Variants in BBS9 observed in about 807,000 individuals in gnomAD.
The protein encoded by BBS9 is protein PTHB1.
Under a neutral mutation model 117.7 loss-of-function variants are expected in BBS9, and 89 were observed. The ratio of observed to expected loss-of-function variants is 0.76; its 90% confidence interval spans 0.64 to 0.90. The LOEUF (loss-of-function observed/expected upper bound fraction) is 0.90. Among genes scored for constraint, BBS9 ranks in the 40% least tolerant of loss-of-function variants. The pLI is 0.00. For synonymous variants in BBS9, 379 were observed against 370.9 expected, an observed-to-expected ratio of 1.02 and a Z score of -0.25; for missense variants, 982 against 1,042.2, an observed-to-expected ratio of 0.94 and a Z score of 0.80.
At chr7:33,614,931 T>G (rs1865056551) in intron 21 of BBS9, among the ~76,000 whole-genome samples, 1 of 152,132 alleles carries the variant, frequency 6.6e-6, no homozygotes, top group East Asian at 1.9e-4. Flanking sequence ...TACTGGAGTT[T>G]TAACAGAGCC....
intron 16 of BBS9, among the ~76,000 whole-genome samples, chr7:33,360,828 A>G (rs1382801388): frequency 1.3e-5 from 2 of 152,148 alleles, no homozygotes; most frequent in African/African-American, 4.8e-5. Context: ...CCTGGCCAAG[A>G]CATTTCTTTA....
At chr7:33,483,569 A>C (rs1344592469) in intron 19 of BBS9, among the ~76,000 whole-genome samples, 2 of 152,092 alleles carry the variant, frequency 1.3e-5, no homozygotes, top group African/African-American at 2.4e-5. Flanking sequence ...GATGTTTACC[A>C]CTGAATTCAG....
chr7:33,434,866 G>A lies in BBS9; in HGVS notation c.2115+46722G>A, dbSNP rs139578836. ...TGACATGATATTATATGAATTTAAT[G>A]TAATATTGCGGCTTTGACCTCATGA... On this transcript the variant is annotated intron_variant, in intron 19 of 22. Transcript: ENST00000242067. Among the ~76,000 whole-genome samples the A allele has an allele frequency of 6.3e-4, 96 of 152,190 alleles. 1 individual carries two copies. The highest frequency in any genetic ancestry group is 3.5e-3 in the East Asian group (18 of 5,190).
intron 17 of BBS9, among the ~76,000 whole-genome samples, chr7:33,382,813 C>T (rs901018301): frequency 1.3e-5 from 2 of 152,128 alleles, no homozygotes; most frequent in Non-Finnish European, 2.9e-5. Flanking sequence ...AAAGCCAGGT[C>T]CTGATGAAGA....
chr7:33,234,599 C>G (rs1793122353), intron 5 of BBS9, among the ~76,000 whole-genome samples: 1 of 151,966 alleles, frequency 6.6e-6, no homozygotes, highest in South Asian at 2.1e-4. Flanking sequence ...TCTTGCATAG[C>G]TGAAACTTTG....
intron 19 of BBS9, among the ~76,000 whole-genome samples, chr7:33,492,221 A>AC (rs759793468): frequency 0.018 from 2,726 of 148,546 alleles, 85 homozygotes; most frequent in Non-Finnish European, 0.03. Context: ...AAACAAAAAA[A>AC]AAACAAAAAA....
At chr7:33,610,112 G>A (rs1420979870), downstream of BBS9, among the ~76,000 whole-genome samples, 1 of 152,084 alleles carries the variant, frequency 6.6e-6, no homozygotes, top group Non-Finnish European at 1.5e-5. Context: ...AGCCTGATTA[G>A]CATCACAGTA....
intron 19 of BBS9, among the ~76,000 whole-genome samples, chr7:33,500,860 T>A (rs1168924826): frequency 1.3e-5 from 2 of 152,206 alleles, no homozygotes; most frequent in Non-Finnish European, 2.9e-5. Flanking sequence ...AGCGTTTTCC[T>A]GCAAGCAGCT....
At chr7:33,357,489 G>T (rs918032794) in intron 15 of BBS9, among the ~76,000 whole-genome samples, 4 of 151,660 alleles carry the variant, frequency 2.6e-5, no homozygotes, top group Admixed American at 2.0e-4. Flanking sequence ...GCTCATGTTT[G>T]CTGATAGTCT....
chr7:33,233,902 A>T (rs1422033769), intron 5 of BBS9, among the ~76,000 whole-genome samples: 1 of 152,136 alleles, frequency 6.6e-6, no homozygotes, highest in African/African-American at 2.4e-5. Context: ...GGTTTGAGTT[A>T]CCTGAGGTCA....
chr7:33,594,033 G>A (rs1862334919), intron 21 of BBS9, among the ~76,000 whole-genome samples: 1 of 152,084 alleles, frequency 6.6e-6, no homozygotes, highest in African/African-American at 2.4e-5. Context: ...TATTCAAGTT[G>A]TGGAAACATC....
intron 19 of BBS9, among the ~76,000 whole-genome samples, chr7:33,434,184 A>C (rs1584811707): frequency 6.6e-6 from 1 of 151,904 alleles, no homozygotes; most frequent in African/African-American, 2.4e-5. Flanking sequence ...TCTGGAAGTG[A>C]AATTATGGGC....
chr7:33,441,273 A>G (rs968113446), intron 19 of BBS9, among the ~76,000 whole-genome samples: 4 of 125,818 alleles, frequency 3.2e-5, no homozygotes, highest in Middle Eastern at 4.0e-3. Context: ...GATGAGCTGT[A>G]GATGGCCAAA....
At chr7:33,359,504 G>T (rs17170203) in intron 16 of BBS9, among the ~76,000 whole-genome samples, 3 of 151,800 alleles carry the variant, frequency 2.0e-5, no homozygotes, top group Non-Finnish European at 4.4e-5. Context: ...ACTCACTTTA[G>T]GAATGGGACA....
intron 21 of BBS9, among the ~76,000 whole-genome samples, chr7:33,580,481 G>C (rs1859696185): frequency 1.3e-5 from 2 of 149,782 alleles, no homozygotes; most frequent in African/African-American, 5.1e-5. Context: ...CAAGAAATAA[G>C]ATTGCTTATT....
intron 21 of BBS9, among the ~76,000 whole-genome samples, chr7:33,631,432 T>A (rs1035039960): frequency 7.2e-5 from 11 of 152,138 alleles, no homozygotes; most frequent in Admixed American, 2.0e-4. Context: ...GGATGAAATG[T>A]CCCCACTCTG....
At chr7:33,463,609 G>A (rs1839787222) in intron 19 of BBS9, among the ~76,000 whole-genome samples, 1 of 152,002 alleles carries the variant, frequency 6.6e-6, no homozygotes, top group Admixed American at 6.6e-5. Context: ...AAGCTAATCA[G>A]ATTCCTCTAC....
intron 5 of BBS9, among the ~76,000 whole-genome samples, chr7:33,221,780 G>A (rs1238304703): frequency 6.6e-6 from 1 of 152,018 alleles, no homozygotes; most frequent in Non-Finnish European, 1.5e-5. Context: ...TGAGGTATGT[G>A]GCAAGTTTGA....
At chr7:33,526,267 C>T (rs1030088329) in intron 20 of BBS9, among the ~76,000 whole-genome samples, 2 of 152,086 alleles carry the variant, frequency 1.3e-5, no homozygotes, top group African/African-American at 4.8e-5. Flanking sequence ...GTGGCGTTCT[C>T]TGTATTTCCT....
Sources: gnomAD v4.1 joint callset for allele counts (sites outside exome capture counted in the v4.1 genomes callset) on GRCh38, gnomAD v4.1.1 for gene constraint, MANE v1.5 for transcripts, NCBI Gene and HGNC (gene_info 2026-07-23, HGNC 2026-07-21) for gene names.